The following TGFBR3 variants were observed in gnomAD, a reference collection of about 807,000 sequenced individuals.
TGFBR3 encodes transforming growth factor beta receptor 3, also known as transforming growth factor beta receptor type 3.
A neutral mutation model predicts 87.9 loss-of-function variants in TGFBR3; 46 were observed. The ratio of observed to expected loss-of-function variants is 0.52; its 90% CI spans 0.41 to 0.67. The LOEUF (loss-of-function observed/expected upper bound fraction) is 0.67. TGFBR3 is among the 30% of genes least tolerant of loss of function. The pLI is 0.00. For synonymous variants in TGFBR3, 381 were observed against 391.6 expected, an observed-to-expected ratio of 0.97 and a Z score of 0.32; for missense variants, 866 against 1,041.9, an observed-to-expected ratio of 0.83 and a Z score of 2.32.
rs544789084 is a variant in TGFBR3, at chr1:91,824,123, C to G, written c.62-26652G>C. Among the ~76,000 whole-genome samples, 335 of 152,144 alleles carry G rather than the reference C, an allele frequency of 2.2e-3. 3 individuals are homozygous for G. Among genetic ancestry groups the G allele is most frequent in the African/African-American group, 5.8e-3 (240 of 41,498 alleles). ...CCAGCCTGTGTAACAGAGCAACACC[C>G]TGTCTCAAAAATAAATATATAAATA... On this transcript the variant is annotated intron_variant, in intron 2 of 16. Transcript: ENST00000212355.
chr1:91,729,984 C>G lies in TGFBR3; in HGVS notation c.569-11G>C. ...GAGGGAACACTTGATCTGAAAGAGGCACAGGACAATCTGTCAAACCACTGA... is the reference window on the plus strand; with the variant it reads ...GAGGGAACACTTGATCTGAAAGAGGGACAGGACAATCTGTCAAACCACTGA... On this transcript the variant is annotated splice_polypyrimidine_tract_variant and intron_variant, in intron 5 of 16. Transcript: ENST00000212355. 6.2e-7 allele frequency: 1 copy of G among 1,614,058 alleles called. No individual in the cohort carries two copies. Among genetic ancestry groups the G allele is most frequent in the Non-Finnish European group, 8.5e-7 (1 of 1,179,994 alleles).
intron 14 of TGFBR3, among the ~76,000 whole-genome samples, chr1:91,704,243 G>A (rs556117990): frequency 1.3e-5 from 2 of 151,714 alleles, no homozygotes; most frequent in Non-Finnish European, 2.9e-5. Context: ...CAGGAGAAGC[G>A]CTTGAACCCA....
chr1:91,682,184 T>C lies in TGFBR3; in HGVS notation c.*1555A>G, dbSNP rs926009658. 8 of 453,962 alleles carry C rather than the reference T, an allele frequency of 1.8e-5. No individual in the cohort carries two copies. Among genetic ancestry groups the C allele is most frequent in the Non-Finnish European group, 3.5e-5 (8 of 226,768 alleles). 28.1% of individuals were successfully genotyped at this position (453,962 alleles called of 1,614,324 possible). A position where few individuals can be genotyped will look rare whatever the true frequency, so the allele number is the denominator to read the frequency against. ...CACTGCCCTAAGGTTTTAAGCTTCATCAGGATTACCTACTGAGGTTCCATT... is the reference window on the plus strand; with the variant it reads ...CACTGCCCTAAGGTTTTAAGCTTCACCAGGATTACCTACTGAGGTTCCATT... On this transcript the variant is annotated 3_prime_UTR_variant, in exon 17 of 17. Transcript: ENST00000212355.
intron 1 of TGFBR3, among the ~76,000 whole-genome samples, chr1:91,903,985 G>A (rs1250453792): frequency 2.0e-5 from 3 of 152,002 alleles, no homozygotes; most frequent in African/African-American, 7.2e-5. Flanking sequence ...ACCAGCCTGG[G>A]CAACACAGTG....
chr1:91,719,312 G>T lies in TGFBR3; in HGVS notation c.1566C>A (p.Ser522=). 6.2e-7 allele frequency: 1 copy of T among 1,614,148 alleles called. No homozygotes were observed. The highest frequency in any genetic ancestry group is 8.5e-7 in the Non-Finnish European group (1 of 1,180,018). Residue 522 remains serine (S), a splice_region_variant and synonymous_variant, in exon 10 of 17, where the codon TCC becomes TCA. Transcript: ENST00000212355. Reference sequence around the variant, plus strand: ...AAGCTTTGTTCTGGAAAACACTCACGGAGTTATAGTAGACCACACCATCAA... The same window carrying T: ...AAGCTTTGTTCTGGAAAACACTCACTGAGTTATAGTAGACCACACCATCAA... ...SALDGVVYYN[S]IVIQVPALGD...
chr1:91,775,735 T>TG (rs1421856274), intron 3 of TGFBR3, among the ~76,000 whole-genome samples: 2 of 152,214 alleles, frequency 1.3e-5, no homozygotes, highest in Non-Finnish European at 2.9e-5. Context: ...ACTCAAGACA[T>TG]GCAAGAATTC....
chr1:91,757,696 T>G (rs1557695216), intron 4 of TGFBR3, among the ~76,000 whole-genome samples: 1 of 152,236 alleles, frequency 6.6e-6, no homozygotes, highest in Admixed American at 6.5e-5. Flanking sequence ...TGACTATGGA[T>G]TCTTACATTA....
At chr1:91,777,064 G>C (rs1674591025) in intron 3 of TGFBR3, among the ~76,000 whole-genome samples, 1 of 152,176 alleles carries the variant, frequency 6.6e-6, no homozygotes, top group African/African-American at 2.4e-5. Flanking sequence ...TGTGCTCGCT[G>C]CCTTTCCTCC....
At chr1:91,789,443 A>C (rs1003644658) in intron 3 of TGFBR3, among the ~76,000 whole-genome samples, 1 of 152,232 alleles carries the variant, frequency 6.6e-6, no homozygotes, top group Non-Finnish European at 1.5e-5. Context: ...AACCAGGCTC[A>C]GTCCCTCTGC....
intron 11 of TGFBR3, 25 bp downstream of exon 11, chr1:91,716,542 AC>A (rs760855127): frequency 6.2e-7 from 1 of 1,613,980 alleles, no homozygotes; most frequent in South Asian, 1.1e-5. Context: ...TTTTCCACAA[AC>A]CCCCTACTGA....
intron 5 of TGFBR3, among the ~76,000 whole-genome samples, chr1:91,730,370 T>G (rs112210396): frequency 2.0e-5 from 3 of 152,324 alleles, no homozygotes; most frequent in African/African-American, 7.2e-5. Context: ...GCTTTCTTTT[T>G]TGAAAAGCTC....
At position 91,729,790 on chromosome 1, in the gene TGFBR3, C is replaced by T. The variant is rs777461202; in HGVS notation, c.737+15G>A. On this transcript the variant is annotated intron_variant, in intron 6 of 16. Transcript: ENST00000212355. ...TTTCATCTCTTGTCACACTCACACA[C>T]TTAGACTCACTTACCTGTAGGGGTT... 1 of 1,614,104 alleles carries T rather than the reference C, an allele frequency of 6.2e-7. No individual in the cohort carries two copies. The highest frequency in any genetic ancestry group is 8.5e-7 in the Non-Finnish European group (1 of 1,179,992).
Position 91,865,835 on chromosome 1 carries a change from C to T in TGFBR3, c.-113-4191G>A, listed in dbSNP as rs186080390. On this transcript the variant is annotated intron_variant, in intron 1 of 16. Coordinates refer to ENST00000212355, the MANE Select transcript of TGFBR3 (RefSeq NM_003243.5). ...GCTGAGACAGAAGAATGGCGTGAAC[C>T]CAGGAGGCGGAGCTTGCAGTGAGCT... 6.0e-3 allele frequency among the ~76,000 whole-genome samples: 906 copies of T among 151,936 alleles called. 14 individuals are homozygous for T. Among genetic ancestry groups the T allele is most frequent in the African/African-American group, 0.021 (860 of 41,410 alleles).
At chr1:91,817,185 G>C (rs1034677224) in intron 2 of TGFBR3, among the ~76,000 whole-genome samples, 2 of 152,170 alleles carry the variant, frequency 1.3e-5, no homozygotes, top group Non-Finnish European at 1.5e-5. Context: ...CCTAACTCCA[G>C]CTGGCAGTAG....
At chr1:91,895,938 G>T (rs1260699413) in intron 2 of TGFBR3, among the ~76,000 whole-genome samples, 2 of 152,118 alleles carry the variant, frequency 1.3e-5, no homozygotes, top group Non-Finnish European at 2.9e-5. Flanking sequence ...AGTCAGTCCT[G>T]TTTACCCTCA....
rs139927115 is a variant in TGFBR3 at position 91,712,389 on chromosome 1, C to T, written c.2020G>A (p.Val674Met). The T allele has an allele frequency of 8.7e-6, 14 of 1,614,068 alleles. No homozygotes were observed. Among genetic ancestry groups the T allele is most frequent in the African/African-American group, 1.3e-5 (1 of 74,918 alleles). The stretch of plus-strand genomic sequence containing the variant: ...TCAGCTTGCGGGATAGGAAAGTGCA[C>T]TCTCTTGGGACTGTAGAATTTCACA... ...ESVKFYSPKR[V>M]HFPIPQADMD... The change falls in exon 13 of 17, where the codon GTG becomes ATG. Residue 674 changes from valine to methionine, a missense_variant. By Grantham distance (21) the Val-to-Met change is conservative (BLOSUM62 1). Transcript: ENST00000212355.
rs779202869 is a variant in TGFBR3 at position 91,681,631 on chromosome 1, C to G, written c.*2108G>C. On this transcript the variant is annotated 3_prime_UTR_variant, in exon 17 of 17. Transcript: ENST00000212355. ...TTTTTTAAAAAAGCAAAGGACTGAT[C>G]GAAAGAATTCACAGTAGCTGAAATT... The G allele has an allele frequency of 1.4e-5, 6 of 437,794 alleles. No homozygotes were observed. The highest frequency in any genetic ancestry group is 1.0e-4 in the South Asian group (6 of 59,474). 27.1% of individuals were successfully genotyped at this position (437,794 alleles called of 1,614,324 possible). A position where few individuals can be genotyped will look rare whatever the true frequency, so the allele number is the denominator to read the frequency against.
At chr1:91,822,607 C>G (rs1676489721) in intron 2 of TGFBR3, among the ~76,000 whole-genome samples, 1 of 152,112 alleles carries the variant, frequency 6.6e-6, no homozygotes, top group African/African-American at 2.4e-5. Flanking sequence ...TTTTATCTCC[C>G]TTACAGGGCC....
intron 1 of TGFBR3, among the ~76,000 whole-genome samples, chr1:91,864,548 T>A (rs1678313817): frequency 6.6e-6 from 1 of 152,210 alleles, no homozygotes; most frequent in Non-Finnish European, 1.5e-5. Flanking sequence ...ATAATGTAAC[T>A]GTTCAAAAAG....
Sources: gnomAD v4.1 joint callset for allele counts (sites outside exome capture counted in the v4.1 genomes callset) on GRCh38, gnomAD v4.1.1 for gene constraint, MANE v1.5 for transcripts, NCBI Gene and HGNC (gene_info 2026-07-23, HGNC 2026-07-21) for gene names.